Variants in SUGCT observed in about 807,000 individuals in gnomAD.
SUGCT encodes the protein succinyl-CoA:glutarate-CoA transferase, also known as succinyl-CoA:glutarate CoA-transferase.
In SUGCT, 41 loss-of-function variants were observed where a neutral mutation model predicts 55.0. The ratio of observed to expected loss-of-function variants is 0.74; its 90% CI spans 0.58 to 0.97. SUGCT has a LOEUF of 0.97. Ranked by LOEUF, SUGCT falls within the 50% of genes least tolerant of loss-of-function variation. SUGCT has a pLI of 0.00. For synonymous variants in SUGCT, 187 were observed against 200.4 expected, an observed-to-expected ratio of 0.93 and a Z score of 0.56; for missense variants, 568 against 547.8, an observed-to-expected ratio of 1.04 and a Z score of -0.37.
intron 7 of SUGCT, among the ~76,000 whole-genome samples, chr7:40,262,377 G>A (rs1330215075): frequency 1.3e-5 from 2 of 151,938 alleles, no homozygotes; most frequent in Non-Finnish European, 1.5e-5. Context: ...CCGGCTGGGC[G>A]CGGTGGCTCA....
At chr7:40,804,635 A>C (rs948711929) in intron 13 of SUGCT, among the ~76,000 whole-genome samples, 1 of 152,188 alleles carries the variant, frequency 6.6e-6, no homozygotes, top group African/African-American at 2.4e-5. Context: ...GGAATATCTT[A>C]AGTGAAAGCA....
chr7:40,553,449 C>T (rs1795404719), intron 12 of SUGCT, among the ~76,000 whole-genome samples: 2 of 152,270 alleles, frequency 1.3e-5, no homozygotes, highest in Middle Eastern at 3.4e-3. Context: ...TGCCATTGCA[C>T]TTGCATGTTT....
At chr7:40,610,556 T>G (rs73689832) in intron 12 of SUGCT, among the ~76,000 whole-genome samples, 3,193 of 152,262 alleles carry the variant, frequency 0.021, 106 homozygotes, top group African/African-American at 0.07. Flanking sequence ...GGAAAACATT[T>G]TGCTAGAAGA....
the SUGCT span, among the ~76,000 whole-genome samples, chr7:41,023,206 A>AC: frequency 6.6e-6 from 1 of 151,922 alleles, no homozygotes; most frequent in Non-Finnish European, 1.5e-5. Context: ...GTGGAACAGA[A>AC]CCCCCCATGG....
chr7:40,281,787 C>T (rs1026485035), intron 8 of SUGCT, among the ~76,000 whole-genome samples: 5 of 151,996 alleles, frequency 3.3e-5, no homozygotes, highest in Middle Eastern at 3.2e-3. Context: ...AATAAATACA[C>T]ACAGTTACAG....
At chr7:40,954,223 G>A in the SUGCT span, among the ~76,000 whole-genome samples, 1 of 152,224 alleles carries the variant, frequency 6.6e-6, no homozygotes, top group Admixed American at 6.5e-5. Flanking sequence ...CAATGAGCGA[G>A]GCTCTGTGGG....
At chr7:40,924,897 C>G in the SUGCT span, among the ~76,000 whole-genome samples, 1 of 152,182 alleles carries the variant, frequency 6.6e-6, no homozygotes. Flanking sequence ...TTATGTGTAA[C>G]TATAGCACAT....
At chr7:40,937,441 G>A in the SUGCT span, among the ~76,000 whole-genome samples, 3 of 152,210 alleles carry the variant, frequency 2.0e-5, no homozygotes, top group African/African-American at 4.8e-5. Flanking sequence ...AAAGGCATGA[G>A]CCGCTGCACC....
chr7:40,362,347 A>T (rs949009000), intron 9 of SUGCT, among the ~76,000 whole-genome samples: 3 of 152,060 alleles, frequency 2.0e-5, no homozygotes, highest in African/African-American at 7.2e-5. Context: ...TGAACCCAGG[A>T]GGCAGAAGTT....
chr7:40,710,868 A>C (rs1014656220), intron 12 of SUGCT, among the ~76,000 whole-genome samples: 2 of 152,184 alleles, frequency 1.3e-5, no homozygotes, highest in African/African-American at 4.8e-5. Flanking sequence ...ATCTAAAATA[A>C]ACTCAAGGTT....
the SUGCT span, among the ~76,000 whole-genome samples, chr7:40,932,564 T>C: frequency 3.3e-5 from 5 of 152,232 alleles, no homozygotes; most frequent in African/African-American, 1.2e-4. Context: ...AGTCTAAGTC[T>C]CTTTGTAGGT....
intron 13 of SUGCT, among the ~76,000 whole-genome samples, chr7:40,847,605 CAG>C: frequency 6.6e-6 from 1 of 151,814 alleles, no homozygotes; most frequent in Non-Finnish European, 1.5e-5. Context: ...TTAGTAGAGA[CAG>C]TGTTTCACCA....
chr7:40,798,456 T>C (rs1443312725), intron 13 of SUGCT, among the ~76,000 whole-genome samples: 3 of 152,218 alleles, frequency 2.0e-5, no homozygotes, highest in Non-Finnish European at 4.4e-5. Context: ...AGGTAGAACA[T>C]CAATATATTG....
the SUGCT span, among the ~76,000 whole-genome samples, chr7:40,877,367 C>A: frequency 6.6e-6 from 1 of 152,174 alleles, no homozygotes; most frequent in African/African-American, 2.4e-5. Context: ...GTCATGGGTT[C>A]TATACATTTT....
At chr7:40,663,235 A>T (rs781363159) in intron 12 of SUGCT, among the ~76,000 whole-genome samples, 1 of 152,248 alleles carries the variant, frequency 6.6e-6, no homozygotes, top group South Asian at 2.1e-4. Context: ...AATTAAGGGT[A>T]ATTCTTTTTA....
chr7:41,038,076 T>C, the SUGCT span, among the ~76,000 whole-genome samples: 1 of 151,968 alleles, frequency 6.6e-6, no homozygotes, highest in East Asian at 1.9e-4. Context: ...TCCAAGAAAG[T>C]CTTGAAATGG....
chr7:40,956,818 T>A, the SUGCT span, among the ~76,000 whole-genome samples: 1 of 152,324 alleles, frequency 6.6e-6, no homozygotes, highest in East Asian at 1.9e-4. Flanking sequence ...GTACATTGTG[T>A]CTTTGTTCTC....
chr7:40,316,161 G>A (rs1795421972), intron 8 of SUGCT, among the ~76,000 whole-genome samples: 1 of 152,096 alleles, frequency 6.6e-6, no homozygotes, highest in African/African-American at 2.4e-5. Flanking sequence ...TTTAAATGAG[G>A]ATGATCCACT....
intron 9 of SUGCT, among the ~76,000 whole-genome samples, chr7:40,441,607 T>C (rs557446452): frequency 3.3e-5 from 5 of 152,296 alleles, no homozygotes; most frequent in African/African-American, 1.2e-4. Context: ...CAGAAATTCA[T>C]GTATAGTAAG....
Sources: allele counts gnomAD v4.1 joint callset (sites outside exome capture counted in the v4.1 genomes callset), GRCh38; gene constraint gnomAD v4.1.1; transcripts MANE v1.5; gene names NCBI Gene and HGNC (gene_info 2026-07-23, HGNC 2026-07-21).